RAD18: variants seen among roughly 807,000 people sequenced by gnomAD.
The protein encoded by RAD18 is RAD18 E3 ubiquitin protein ligase.
A neutral mutation model predicts 60.4 loss-of-function variants in RAD18; 47 were observed. The observed-to-expected ratio is 0.78, with a 90% CI of 0.62 to 0.99. RAD18 has a LOEUF of 0.99. Ranked by LOEUF, RAD18 falls within the 50% of genes least tolerant of loss-of-function variation. RAD18 has a pLI of 0.00. For synonymous variants in RAD18, 225 were observed against 195.5 expected (o/e 1.15, Z -1.26); for missense variants, 640 against 593.3 (o/e 1.08, Z -0.82).
At chr3:8,898,577 AGTT>A (rs1939841242) in intron 11 of RAD18, among the ~76,000 whole-genome samples, 1 of 152,160 alleles carries the variant, frequency 6.6e-6, no homozygotes, top group African/African-American at 2.4e-5. Flanking sequence ...TTTCCAATAT[AGTT>A]GTTTTTATCT....
At chr3:8,924,989 C>A (rs1281545713) in intron 7 of RAD18, among the ~76,000 whole-genome samples, 1 of 151,996 alleles carries the variant, frequency 6.6e-6, no homozygotes, top group African/African-American at 2.4e-5. Flanking sequence ...CCTAACATCA[C>A]AATTAAAAGA....
Position 8,877,717 on chromosome 3 carries a change from G to A in RAD18, c.*3640C>T, listed in dbSNP as rs1478060170. 1 of 152,100 alleles carries A rather than the reference G, an allele frequency of 6.6e-6. No homozygotes were observed. The highest frequency in any genetic ancestry group is 1.5e-5 in the Non-Finnish European group (1 of 68,058). 9.4% of individuals were successfully genotyped at this position (152,100 alleles called of 1,614,324 possible). ...CCCTTCTGATCTACAAGCTCCATCAGGGCAGGAACTGTCTTTGTTTTGCAC... is the reference window on the plus strand; with the variant it reads ...CCCTTCTGATCTACAAGCTCCATCAAGGCAGGAACTGTCTTTGTTTTGCAC... On this transcript the variant is annotated 3_prime_UTR_variant, in exon 13 of 13. Transcript: ENST00000264926.
At chr3:8,913,541 G>A in intron 8 of RAD18, 103 bp downstream of exon 8, 1 of 769,280 alleles carries the variant, frequency 1.3e-6, no homozygotes, top group Non-Finnish European at 2.0e-6. Context: ...AAGTGGAAAT[G>A]TGTTAGTAAA....
intron 4 of RAD18, among the ~76,000 whole-genome samples, chr3:8,945,499 G>A (rs1940825230): frequency 7.3e-6 from 1 of 136,152 alleles, no homozygotes. Context: ...TTGAGACGGA[G>A]TCTTACTCTG....
rs1940751569 is a variant in RAD18 at position 8,941,746 on chromosome 3, A to G, written c.325T>C (p.Ser109Pro). Residue 109 changes from serine to proline, a missense_variant, in exon 5 of 13, where the codon TCA (serine) becomes CCA (proline). Coordinates refer to ENST00000264926, the MANE Select transcript of RAD18 (RefSeq NM_020165.4). ...TATACTTTGACAGCAAGATTCTTTG[A>G]AGAGGAAGAAGCAGGAGATTTGGCT... The part of the protein sequence containing the change: ...SPAKSPASSS[S>P]KNLAVKVYTP... 1 of 1,614,122 alleles carries G rather than the reference A, an allele frequency of 6.2e-7. No homozygotes were observed. Among genetic ancestry groups the G allele is most frequent in the Admixed American group, 1.7e-5 (1 of 60,016 alleles).
intron 11 of RAD18, among the ~76,000 whole-genome samples, chr3:8,896,101 A>T (rs1273759540): frequency 6.6e-6 from 1 of 152,238 alleles, no homozygotes; most frequent in African/African-American, 2.4e-5. Flanking sequence ...CCATCTGGGC[A>T]TGCTGTCTTC....
chr3:8,886,562 C>A (rs1417783126), intron 12 of RAD18, among the ~76,000 whole-genome samples: 1 of 152,206 alleles, frequency 6.6e-6, no homozygotes, highest in Non-Finnish European at 1.5e-5. Flanking sequence ...CACATTCATT[C>A]ATTCACATAT....
At chr3:8,928,961 CA>C (rs56756171) in intron 7 of RAD18, among the ~76,000 whole-genome samples, 105,025 of 151,906 alleles carry the variant, frequency 0.69, 36,837 homozygotes, top group Middle Eastern at 0.77. Context: ...AAGAAATAAC[CA>C]AAATCTTTAA....
chr3:8,889,762 A>G (rs1939651208), intron 12 of RAD18, among the ~76,000 whole-genome samples: 1 of 152,188 alleles, frequency 6.6e-6, no homozygotes, highest in South Asian at 2.1e-4. Context: ...TACGCATATT[A>G]AAGAGTCCCT....
At chr3:8,905,065 T>G (rs1372187462) in intron 9 of RAD18, among the ~76,000 whole-genome samples, 1 of 152,216 alleles carries the variant, frequency 6.6e-6, no homozygotes, top group Non-Finnish European at 1.5e-5. Context: ...CTAGTAACAT[T>G]GTTCCCACTT....
At chr3:8,925,169 C>T (rs1404891781) in intron 7 of RAD18, among the ~76,000 whole-genome samples, 1 of 151,606 alleles carries the variant, frequency 6.6e-6, no homozygotes, top group Admixed American at 6.6e-5. Context: ...GCTAGCAAGA[C>T]TAATAAAGAA....
At chr3:8,949,141 A>G (rs919421891) in intron 2 of RAD18, among the ~76,000 whole-genome samples, 1 of 152,200 alleles carries the variant, frequency 6.6e-6, no homozygotes, top group East Asian at 1.9e-4. Context: ...ATATATCCTA[A>G]CAATTTAAGC....
chr3:8,885,564 T>C (rs1009058204), intron 12 of RAD18, among the ~76,000 whole-genome samples: 1 of 152,210 alleles, frequency 6.6e-6, no homozygotes, highest in Non-Finnish European at 1.5e-5. Context: ...AGCCTTTATT[T>C]CTTATAAATG....
At position 8,879,437 on chromosome 3, in the gene RAD18, G is replaced by A. The variant is rs1032104800; in HGVS notation, c.*1920C>T. On this transcript the variant is annotated 3_prime_UTR_variant, in exon 13 of 13. Coordinates refer to ENST00000264926, the MANE Select transcript of RAD18 (RefSeq NM_020165.4). Reference sequence around the variant, plus strand: ...CCATGCAAGGACACCATGAGTGGAAGCCAAGGAGAGAGGCCGAAGAAGAAA... The same window carrying A: ...CCATGCAAGGACACCATGAGTGGAAACCAAGGAGAGAGGCCGAAGAAGAAA... 1 of 152,344 alleles carries A rather than the reference G, an allele frequency of 6.6e-6. No homozygotes were observed. Among genetic ancestry groups the A allele is most frequent in the Admixed American group, 6.5e-5 (1 of 15,282 alleles). 9.4% of individuals were successfully genotyped at this position (152,344 alleles called of 1,614,324 possible).
chr3:8,939,797 C>T (rs1184989667), intron 5 of RAD18, 144 bp from the exon 6 acceptor site: 1 of 648,414 alleles, frequency 1.5e-6, no homozygotes, highest in East Asian at 2.9e-5. Flanking sequence ...AAAAGAATGG[C>T]CCATCGGGAC....
intron 11 of RAD18, among the ~76,000 whole-genome samples, chr3:8,896,391 C>T (rs566140066): frequency 5.3e-5 from 8 of 152,186 alleles, no homozygotes; most frequent in African/African-American, 1.9e-4. Flanking sequence ...AACTTTTAAT[C>T]TGGCTTCAGT....
At chr3:8,904,247 AAC>A (rs889845709) in intron 9 of RAD18, among the ~76,000 whole-genome samples, 1 of 152,200 alleles carries the variant, frequency 6.6e-6, no homozygotes, top group African/African-American at 2.4e-5. Context: ...CTTTAATAAA[AAC>A]ACATGTTCAT....
At chr3:8,916,792 CAGAG>C (rs1276838937) in intron 7 of RAD18, among the ~76,000 whole-genome samples, 4 of 150,516 alleles carry the variant, frequency 2.7e-5, no homozygotes, top group Non-Finnish European at 4.4e-5. Flanking sequence ...ATCTGAAACA[CAGAG>C]AGAGAAAAAA....
intron 12 of RAD18, among the ~76,000 whole-genome samples, chr3:8,886,768 C>T (rs1039141220): frequency 2.0e-5 from 3 of 152,116 alleles, no homozygotes; most frequent in East Asian, 1.9e-4. Flanking sequence ...ACAGAAGCAG[C>T]GGCGTGTGCA....
Sources: allele counts gnomAD v4.1 joint callset (sites outside exome capture counted in the v4.1 genomes callset), GRCh38; gene constraint gnomAD v4.1.1; transcripts MANE v1.5; gene names NCBI Gene and HGNC (gene_info 2026-07-23, HGNC 2026-07-21).